Variants in DISP1 observed in about 807,000 individuals in gnomAD.
DISP1 encodes protein dispatched homolog 1.
A neutral mutation model predicts 37.3 loss-of-function variants in DISP1; 30 were observed. That is an observed-to-expected ratio of 0.80 (90% confidence interval 0.60 to 1.09). The LOEUF (loss-of-function observed/expected upper bound fraction) is 1.09, where lower values mean the gene tolerates loss of function less well. Among genes scored for constraint, DISP1 ranks in the 50% least tolerant of loss-of-function variants. The pLI, the probability that DISP1 is intolerant of heterozygous loss-of-function variation, is 0.00. For synonymous variants in DISP1, 634 were observed against 690.2 expected, an observed-to-expected ratio of 0.92 and a Z score of 1.28; for missense variants, 1,598 against 1,879.5, an observed-to-expected ratio of 0.85 and a Z score of 2.77.
rs1430052895 is a variant in DISP1 at position 222,976,895 on chromosome 1, A to G, written c.510-6185A>G. ...ATTCAAGATGTATTTTTAAGAATGC[A>G]TAAGTGAAAAAATGGGATTGAAAAA... On this transcript the variant is annotated intron_variant, in intron 3 of 8. Transcript: ENST00000675850. Among the ~76,000 whole-genome samples, 5 of 152,030 alleles carry G rather than the reference A, an allele frequency of 3.3e-5. No individual in the cohort carries two copies. In the East Asian group the frequency reaches 7.8e-4, roughly 24 times the overall value.
chr1:222,887,487 T>G lies in DISP1; in HGVS notation c.-158-40943T>G, dbSNP rs1377001094. On this transcript the variant is annotated intron_variant, in intron 1 of 8. Coordinates refer to ENST00000675850, the MANE Select transcript of DISP1 (RefSeq NM_001377229.1). ...ATTTATAAATGTCACATTGTTTTTG[T>G]TTTTTTTTTTTTTTTTTTTTTTGAG... Among the ~76,000 whole-genome samples, 4 of 47,478 alleles carry G rather than the reference T, an allele frequency of 8.4e-5. 1 individual carries two copies. The highest frequency in any genetic ancestry group is 5.4e-4 in the South Asian group (1 of 1,854). 31.1% of individuals were successfully genotyped at this position (47,478 alleles called of 152,430 possible). A position where few individuals can be genotyped will look rare whatever the true frequency, so the allele number is the denominator to read the frequency against.
intron 3 of DISP1, among the ~76,000 whole-genome samples, chr1:222,952,128 C>T (rs1412251851): frequency 1.3e-5 from 2 of 152,140 alleles, no homozygotes; most frequent in Non-Finnish European, 2.9e-5. Flanking sequence ...AACTGCTGGA[C>T]AAGTGTCTTT....
intron 1 of DISP1, among the ~76,000 whole-genome samples, chr1:222,880,966 C>T (rs1343061498): frequency 6.6e-6 from 1 of 152,048 alleles, no homozygotes; most frequent in Non-Finnish European, 1.5e-5. Context: ...GTGGCTGAGG[C>T]AGGAGGCTCA....
chr1:222,980,788 A>G (rs1677776336), intron 3 of DISP1, among the ~76,000 whole-genome samples: 1 of 152,136 alleles, frequency 6.6e-6, no homozygotes, highest in African/African-American at 2.4e-5. Flanking sequence ...TTTTTTCTTA[A>G]AGCAACAAGT....
At chr1:222,869,252 A>C (rs1386798324) in intron 1 of DISP1, among the ~76,000 whole-genome samples, 1 of 152,162 alleles carries the variant, frequency 6.6e-6, no homozygotes, top group Non-Finnish European at 1.5e-5. Flanking sequence ...TAAAAGAAAA[A>C]TATTTTTGGA....
chr1:222,942,912 C>A lies in DISP1; in HGVS notation c.89C>A (p.Pro30His), dbSNP rs780297875. The A allele has an allele frequency of 3.1e-6, 5 of 1,614,098 alleles. No individual in the cohort carries two copies. The highest frequency in any genetic ancestry group is 2.2e-5 in the South Asian group (2 of 91,072). Residue 30 changes from proline (P) to histidine (H), a missense_variant, in exon 3 of 9, where the codon CCC (proline) becomes CAC (histidine). Physicochemically the swap from Pro to His is moderately conservative, Grantham distance 77 (BLOSUM62 -2). Coordinates refer to ENST00000675850, the MANE Select transcript of DISP1 (RefSeq NM_001377229.1). ...TSAANPSPLT[P>H]CDGDHAAQQL... ...GCTGCTAACCCGAGTCCCCTCACCC[C>A]CTGTGATGGAGACCATGCAGCCCAG...
chr1:222,916,987 T>C (rs1195209129), intron 1 of DISP1, among the ~76,000 whole-genome samples: 1 of 152,156 alleles, frequency 6.6e-6, no homozygotes, highest in African/African-American at 2.4e-5. Flanking sequence ...CTGAGGGAAT[T>C]CACGCCCCAA....
At chr1:222,943,661 T>A (rs754548512) in intron 3 of DISP1, 24 of 378,334 alleles carry the variant, frequency 6.3e-5, no homozygotes, top group Non-Finnish European at 9.8e-5. Flanking sequence ...GGAAGCATAT[T>A]TATGATGAGA....
At chr1:222,936,545 A>C (rs202047604) in intron 2 of DISP1, among the ~76,000 whole-genome samples, 20,597 of 134,194 alleles carry the variant, frequency 0.15, 1,974 homozygotes, top group East Asian at 0.27. Flanking sequence ...CTCTCTCTAT[A>C]TATATATATA....
intron 1 of DISP1, among the ~76,000 whole-genome samples, chr1:222,906,540 A>C (rs770371301): frequency 7.9e-5 from 12 of 152,256 alleles, no homozygotes; most frequent in Non-Finnish European, 1.5e-4. Context: ...AAACAGTTGC[A>C]GTAAAGAAGC....
At chr1:222,939,941 C>A (rs532293310) in intron 2 of DISP1, among the ~76,000 whole-genome samples, 2 of 151,704 alleles carry the variant, frequency 1.3e-5, no homozygotes, top group Non-Finnish European at 2.9e-5. Context: ...CTGGCTAACA[C>A]GGTGAGATCC....
intron 1 of DISP1, among the ~76,000 whole-genome samples, chr1:222,840,617 C>T (rs1667545628): frequency 1.4e-5 from 2 of 140,514 alleles, no homozygotes; most frequent in African/African-American, 5.3e-5. Flanking sequence ...GGCTGGAGTG[C>T]AGTGGTGCTA....
At chr1:222,936,853 A>ATATATAATTTATATATCATATATATGT (rs1673875304) in intron 2 of DISP1, among the ~76,000 whole-genome samples, 1 of 65,728 alleles carries the variant, frequency 1.5e-5, no homozygotes, top group Non-Finnish European at 2.6e-5. Context: ...CATATATATG[A>ATATATAATTTATATATCATATATATGT]TATATAATTT....
At chr1:222,900,093 C>T (rs1478408716) in intron 1 of DISP1, among the ~76,000 whole-genome samples, 4 of 152,086 alleles carry the variant, frequency 2.6e-5, no homozygotes, top group South Asian at 2.1e-4. Flanking sequence ...AAGTAAAATA[C>T]AGGTAGTTTA....
intron 1 of DISP1, among the ~76,000 whole-genome samples, chr1:222,884,587 G>T (rs753260978): frequency 2.0e-5 from 3 of 152,092 alleles, no homozygotes; most frequent in Non-Finnish European, 4.4e-5. Flanking sequence ...ATGCATTTTT[G>T]GCTATGCATC....
At chr1:222,933,714 CTATT>C (rs762097435) in intron 2 of DISP1, among the ~76,000 whole-genome samples, 4 of 151,870 alleles carry the variant, frequency 2.6e-5, no homozygotes, top group Non-Finnish European at 5.9e-5. Flanking sequence ...TTTGGGGAAG[CTATT>C]TATAAGTATT....
intron 3 of DISP1, among the ~76,000 whole-genome samples, chr1:222,973,191 A>G (rs542041062): frequency 1.1e-3 from 172 of 152,358 alleles, no homozygotes; most frequent in African/African-American, 3.8e-3. Context: ...ATAAATGAAT[A>G]CATATGCAAT....
chr1:222,990,225 A>G (rs1341977210), intron 4 of DISP1, among the ~76,000 whole-genome samples: 1 of 152,204 alleles, frequency 6.6e-6, no homozygotes, highest in African/African-American at 2.4e-5. Flanking sequence ...GTTCTGAAAG[A>G]CACTGATTGG....
chr1:222,910,467 G>T lies in DISP1; in HGVS notation c.-158-17963G>T, dbSNP rs575760627. 6.6e-5 allele frequency among the ~76,000 whole-genome samples: 10 copies of T among 152,264 alleles called. No homozygotes were observed. The South Asian group carries it at 2.1e-3, about 32-fold the overall frequency. Reference sequence around the variant, plus strand: ...TACCATTCACATAACCTTTCTAAAAGAAATACTAAATGGTGCACTCAGTAG... The same window carrying T: ...TACCATTCACATAACCTTTCTAAAATAAATACTAAATGGTGCACTCAGTAG... On this transcript the variant is annotated intron_variant, in intron 1 of 8. Coordinates refer to ENST00000675850, the MANE Select transcript of DISP1 (RefSeq NM_001377229.1).
Sources: gnomAD v4.1 joint callset for allele counts (sites outside exome capture counted in the v4.1 genomes callset) on GRCh38, gnomAD v4.1.1 for gene constraint, MANE v1.5 for transcripts, NCBI Gene and HGNC (gene_info 2026-07-23, HGNC 2026-07-21) for gene names.